The following KISS1R variants were observed in gnomAD, a reference collection of about 807,000 sequenced individuals.
KISS1R encodes KISS1 receptor.
A neutral mutation model predicts 22.0 loss-of-function variants in KISS1R; 19 were observed. That is an observed-to-expected ratio of 0.86 (90% CI 0.60 to 1.26). The LOEUF (loss-of-function observed/expected upper bound fraction) is 1.26, where lower values mean the gene tolerates loss of function less well. KISS1R is among the 50% of genes most tolerant of loss of function. KISS1R has a pLI of 0.00. For synonymous variants in KISS1R, 302 were observed against 283.9 expected (o/e 1.06, Z -0.64); for missense variants, 653 against 581.9 (o/e 1.12, Z -1.26).
At chr19:919,672 G>A (rs763495312) in intron 3 of KISS1R, 47 bp downstream of exon 3, 5 of 1,539,004 alleles carry the variant, frequency 3.2e-6, no homozygotes, top group Non-Finnish European at 4.4e-6. Context: ...ACACGTCCTA[G>A]TGCCCTGGGC....
Position 920,629 on chromosome 19 carries a change from C to A in KISS1R, c.1078C>A (p.His360Asn). The change falls in exon 5 of 5, where the codon CAC becomes AAC. Residue 360 changes from histidine to asparagine, a missense_variant. By Grantham distance (68) the His-to-Asn change is moderately conservative (BLOSUM62 1). Transcript: ENST00000234371. ...CGGACCCTCGGACCCCGCAGCCCCA[C>A]ACGCGGAGCTGCTCCGCCTGGGGTC... ...RPGPSDPAAPHAELLRLGSHP... is the reference protein window; with the variant it reads ...RPGPSDPAAPNAELLRLGSHP... 1.5e-6 allele frequency: 2 copies of A among 1,365,290 alleles called. No individual in the cohort carries two copies. The highest frequency in any genetic ancestry group is 3.0e-5 in the East Asian group (1 of 33,204). 84.6% of individuals were successfully genotyped at this position (1,365,290 alleles called of 1,614,324 possible). A position where few individuals can be genotyped will look rare whatever the true frequency, so the allele number is the denominator to read the frequency against.
At chr19:919,661 G>T in intron 3 of KISS1R, 36 bp downstream of exon 3, 3 of 1,541,350 alleles carry the variant, frequency 1.9e-6, no homozygotes, top group Non-Finnish European at 2.6e-6. Context: ...GGAGAAGGCG[G>T]ACACGTCCTA....
At position 920,000 on chromosome 19, in the gene KISS1R, C is replaced by T; in HGVS notation, c.632C>T (p.Ala211Val). 1 of 1,554,344 alleles carries T rather than the reference C, an allele frequency of 6.4e-7. No homozygotes were observed. Among genetic ancestry groups the T allele is most frequent in the Non-Finnish European group, 8.7e-7 (1 of 1,152,280 alleles). ...ERAFALYNLL[A>V]LYLLPLLATC... is the part of the protein sequence containing the mutation. Reference sequence around the variant, plus strand: ...GCCTTCGCACTGTACAACCTGCTGGCGCTGTACCTGCTGCCGCTGCTCGCC... The same window carrying T: ...GCCTTCGCACTGTACAACCTGCTGGTGCTGTACCTGCTGCCGCTGCTCGCC... Residue 211 changes from alanine to valine, a missense_variant, in exon 4 of 5, where the codon GCG becomes GTG. Physicochemically the swap from Ala to Val is moderately conservative, Grantham distance 64. Coordinates refer to ENST00000234371, the MANE Select transcript of KISS1R (RefSeq NM_032551.5).
Position 920,610 on chromosome 19 carries a change from C to T in KISS1R, c.1059C>T (p.Pro353=). The change falls in exon 5 of 5, where the codon CCC becomes CCT. Residue 353 remains proline, a synonymous_variant. Transcript: ENST00000234371. ...CCCGCCGCCCCCGCCGGCCCGGACC[C>T]TCGGACCCCGCAGCCCCACACGCGG... ...RRPRRPRRPG[P]SDPAAPHAEL... 7.2e-7 allele frequency: 1 copy of T among 1,396,106 alleles called. No homozygotes were observed. Among genetic ancestry groups the T allele is most frequent in the South Asian group, 1.7e-5 (1 of 60,296 alleles). The allele number at this position is 1,396,106 out of a possible 1,614,324, so 86.5% of individuals were successfully genotyped here. A position where few individuals can be genotyped will look rare whatever the true frequency, so the allele number is the denominator to read the frequency against.
Position 917,444 on chromosome 19 carries a change from CG to C in KISS1R, c.-55del. 1 of 1,382,726 alleles carries C rather than the reference CG, an allele frequency of 7.2e-7. No homozygotes were observed. Among genetic ancestry groups the C allele is most frequent in the Non-Finnish European group, 9.3e-7 (1 of 1,076,610 alleles). 85.7% of individuals were successfully genotyped at this position (1,382,726 alleles called of 1,614,324 possible). On this transcript the variant is annotated 5_prime_UTR_variant, in exon 1 of 5. Coordinates refer to ENST00000234371, the MANE Select transcript of KISS1R (RefSeq NM_032551.5). ...CCGGGCGGTCGGGCGGAGGGGTCCCCGGGGCGGTGCCAGGGCGCAATCCTGG... is the reference window on the plus strand; with the variant it reads ...CCGGGCGGTCGGGCGGAGGGGTCCCCGGGCGGTGCCAGGGCGCAATCCTGG...
At chr19:919,451 C>G in intron 2 of KISS1R, 39 bp from the exon 3 acceptor site, 1 of 1,538,332 alleles carries the variant, frequency 6.5e-7, no homozygotes, top group South Asian at 1.2e-5. Flanking sequence ...GGCTCCCAAC[C>G]GCGCAGGTGG....
chr19:920,915 T>G lies in KISS1R; in HGVS notation c.*167T>G. 1.4e-6 allele frequency: 1 copy of G among 726,288 alleles called. No individual in the cohort carries two copies. The highest frequency in any genetic ancestry group is 1.9e-6 in the Non-Finnish European group (1 of 529,234). 45.0% of individuals were successfully genotyped at this position (726,288 alleles called of 1,614,324 possible). Reference sequence around the variant, plus strand: ...TTCGTTGTGAAGTTTGCTATTGATATTGAAATTATGACTTCTGTGTTTCCT... The same window carrying G: ...TTCGTTGTGAAGTTTGCTATTGATAGTGAAATTATGACTTCTGTGTTTCCT... On this transcript the variant is annotated 3_prime_UTR_variant, in exon 5 of 5. Coordinates refer to ENST00000234371, the MANE Select transcript of KISS1R (RefSeq NM_032551.5).
Position 917,622 on chromosome 19 carries a change from G to A in KISS1R, c.120G>A (p.Val40=), listed in dbSNP as rs749598694. 11 of 1,577,964 alleles carry A rather than the reference G, an allele frequency of 7.0e-6. No individual in the cohort carries two copies. The highest frequency in any genetic ancestry group is 1.1e-5 in the South Asian group (1 of 87,078). ...SDGPVPSPRA[V]DAWLVPLFFA... ...GCCCAGTCCCTTCGCCGCGGGCCGT[G>A]GACGCCTGGCTCGTGCCGCTCTTCT... The change falls in exon 1 of 5, where the codon GTG becomes GTA. Residue 40 remains valine, a synonymous_variant. Transcript: ENST00000234371.
At chr19:918,474 G>C in intron 1 of KISS1R, 70 bp from the exon 2 acceptor site, 1 of 1,523,564 alleles carries the variant, frequency 6.6e-7, no homozygotes, top group Non-Finnish European at 8.8e-7. Flanking sequence ...CAGGGGTCAG[G>C]GCCAGGAGCG....
Position 918,662 on chromosome 19 carries a change from C to G in KISS1R, c.363C>G (p.Ile121Met), listed in dbSNP as rs377317166. ...GDFMCKFVNY[I>M]QQVSVQATCA... is the part of the protein sequence containing the mutation. The stretch of plus-strand genomic sequence containing the variant: ...TCATGTGCAAGTTCGTCAACTACAT[C>G]CAGCAGGTGCGCTCCGGAGCAGGAG... Residue 121 changes from isoleucine to methionine, a missense_variant, in exon 2 of 5, where the codon ATC becomes ATG. Transcript: ENST00000234371. The G allele has an allele frequency of 2.4e-5, 37 of 1,550,472 alleles. No homozygotes were observed. The highest frequency in any genetic ancestry group is 3.4e-4 in the Middle Eastern group (2 of 5,936).
chr19:918,064 G>A (rs931425274), intron 1 of KISS1R, among the ~76,000 whole-genome samples: 1 of 152,220 alleles, frequency 6.6e-6, no homozygotes, highest in Non-Finnish European at 1.5e-5. Flanking sequence ...AAGGGCTGGG[G>A]GAGGGGCTGG....
chr19:920,095 A>G lies in KISS1R; in HGVS notation c.727A>G (p.Ser243Gly), dbSNP rs1405831312. 1 of 1,509,742 alleles carries G rather than the reference A, an allele frequency of 6.6e-7. No homozygotes were observed. Among genetic ancestry groups the G allele is most frequent in the East Asian group, 2.5e-5 (1 of 39,224 alleles). 93.5% of individuals were successfully genotyped at this position (1,509,742 alleles called of 1,614,324 possible). A position where few individuals can be genotyped will look rare whatever the true frequency, so the allele number is the denominator to read the frequency against. The change falls in exon 4 of 5, where the codon AGC becomes GGC. Residue 243 changes from serine (S) to glycine (G), a missense_variant. By Grantham distance (56) the Ser-to-Gly change is moderately conservative. Transcript: ENST00000234371. ...RVAVRPAPAD[S>G]ALQGQVLAER... ...CGCCGTGCGCCCCGCGCCCGCCGAT[A>G]GCGCCCTGCAGGTGCGCGGCGTGGG... is the stretch of plus-strand genomic sequence containing the variant.
Position 917,387 on chromosome 19 carries a change from G to A in KISS1R, c.-116G>A, listed in dbSNP as rs548452576. 9.0e-5 allele frequency: 111 copies of A among 1,238,438 alleles called. No individual in the cohort carries two copies. In the South Asian group the frequency reaches 1.9e-3, roughly 21 times the overall value. 76.7% of individuals were successfully genotyped at this position (1,238,438 alleles called of 1,614,324 possible). ...CCTCTGGACCCTGCGGACCCCAGCC[G>A]AGCCCCTTCCTGAGTTCCACAGGCG... On this transcript the variant is annotated 5_prime_UTR_variant, in exon 1 of 5. Transcript: ENST00000234371.
chr19:919,018 C>A (rs1237392128), intron 2 of KISS1R, among the ~76,000 whole-genome samples: 18 of 142,330 alleles, frequency 1.3e-4, no homozygotes, highest in African/African-American at 4.8e-4. Flanking sequence ...GGGGAGCCCA[C>A]GTGGGAAGGG....
chr19:917,874 C>T lies in KISS1R; in HGVS notation c.244+128C>T, dbSNP rs350129. 0.6 allele frequency: 669,191 copies of T among 1,124,376 alleles called. 200,648 individuals are homozygous for T. The highest frequency in any genetic ancestry group is 0.61 in the Non-Finnish European group (500,549 of 826,298). 69.6% of individuals were successfully genotyped at this position (1,124,376 alleles called of 1,614,324 possible). A position where few individuals can be genotyped will look rare whatever the true frequency, so the allele number is the denominator to read the frequency against. Reference sequence around the variant, plus strand: ...GGCTCTGTCCCCTGCAGGGGTCCCCCCCAACCTCGAATCTTTTCCCTGTGG... The same window carrying T: ...GGCTCTGTCCCCTGCAGGGGTCCCCTCCAACCTCGAATCTTTTCCCTGTGG... On this transcript the variant is annotated intron_variant, in intron 1 of 4. Transcript: ENST00000234371.
chr19:918,420 C>T (rs1034525537), intron 1 of KISS1R, 124 bp from the exon 2 acceptor site: 1 of 1,156,990 alleles, frequency 8.6e-7, no homozygotes, highest in Admixed American at 2.6e-5. Flanking sequence ...GAGGGGGGGG[C>T]CTCCCTGAGC....
In KISS1R at chr19:918,671, G is replaced by C; in HGVS notation, c.369+3G>C. On this transcript the variant is annotated splice_donor_region_variant and intron_variant, in intron 2 of 4. Coordinates refer to ENST00000234371, the MANE Select transcript of KISS1R (RefSeq NM_032551.5). The stretch of plus-strand genomic sequence containing the variant: ...AGTTCGTCAACTACATCCAGCAGGT[G>C]CGCTCCGGAGCAGGAGGGGAGAGGG... 1 of 1,550,166 alleles carries C rather than the reference G, an allele frequency of 6.5e-7. No individual in the cohort carries two copies. Among genetic ancestry groups the C allele is most frequent in the Non-Finnish European group, 8.7e-7 (1 of 1,146,736 alleles).
chr19:917,872 C>T lies in KISS1R; in HGVS notation c.244+126C>T, dbSNP rs1255546611. ...CCGGCTCTGTCCCCTGCAGGGGTCC[C>T]CCCCAACCTCGAATCTTTTCCCTGT... On this transcript the variant is annotated intron_variant, in intron 1 of 4. Transcript: ENST00000234371. 23 of 1,170,224 alleles carry T rather than the reference C, an allele frequency of 2.0e-5. No homozygotes were observed. The East Asian group carries it at 5.6e-4, about 28-fold the overall frequency. 72.5% of individuals were successfully genotyped at this position (1,170,224 alleles called of 1,614,324 possible).
chr19:920,654 C>A lies in KISS1R; in HGVS notation c.1103C>A (p.Ser368Tyr), dbSNP rs756610568. ...CACGCGGAGCTGCTCCGCCTGGGGT[C>A]CCACCCGGCCCCCGCCAGGGCGCAG... ...APHAELLRLG[S>Y]HPAPARAQKP... The change falls in exon 5 of 5, where the codon TCC becomes TAC. Residue 368 changes from serine to tyrosine, a missense_variant. Ser to Tyr is a moderately radical substitution (Grantham distance 144). Transcript: ENST00000234371. The A allele has an allele frequency of 1.5e-6, 2 of 1,308,710 alleles. No individual in the cohort carries two copies. The highest frequency in any genetic ancestry group is 1.9e-6 in the Non-Finnish European group (2 of 1,033,752). The allele number at this position is 1,308,710 out of a possible 1,614,324, so 81.1% of individuals were successfully genotyped here.
Sources: gnomAD v4.1 joint callset for allele counts (sites outside exome capture counted in the v4.1 genomes callset) on GRCh38, gnomAD v4.1.1 for gene constraint, MANE v1.5 for transcripts, NCBI Gene and HGNC (gene_info 2026-07-23, HGNC 2026-07-21) for gene names.